Variants in LAMA4 observed in about 807,000 individuals in gnomAD.
The protein encoded by LAMA4 is laminin subunit alpha 4.
LAMA4 carries 127 observed loss-of-function variants against 207.1 expected under a neutral mutation model. The ratio of observed to expected loss-of-function variants is 0.61; its 90% CI spans 0.53 to 0.71. The LOEUF is 0.71. Among genes scored for constraint, LAMA4 ranks in the 30% least tolerant of loss-of-function variants. LAMA4 has a pLI of 0.00. For synonymous variants in LAMA4, 761 were observed against 816.0 expected (o/e 0.93, Z 1.15); for missense variants, 2,093 against 2,246.5 (o/e 0.93, Z 1.38).
intron 13 of LAMA4, among the ~76,000 whole-genome samples, chr6:112,160,278 G>A (rs1483198929): frequency 2.0e-5 from 3 of 151,954 alleles, no homozygotes; most frequent in Non-Finnish European, 4.4e-5. Flanking sequence ...TGTATTTATA[G>A]CTACACCTAC....
At chr6:112,116,061 G>A in intron 35 of LAMA4, 68 bp from the exon 36 acceptor site, 2 of 1,436,632 alleles carry the variant, frequency 1.4e-6, no homozygotes, top group South Asian at 1.2e-5. Context: ...GTGTGATTTT[G>A]TAATTATATA....
intron 18 of LAMA4, among the ~76,000 whole-genome samples, chr6:112,146,276 C>T (rs1414931916): frequency 3.3e-5 from 5 of 150,408 alleles, no homozygotes; most frequent in Admixed American, 6.7e-5. Flanking sequence ...GGCGACAGAG[C>T]GAGACTATGT....
intron 2 of LAMA4, among the ~76,000 whole-genome samples, chr6:112,233,019 C>A (rs1785661856): frequency 6.6e-6 from 1 of 152,152 alleles, no homozygotes; most frequent in South Asian, 2.1e-4. Flanking sequence ...TTAGCTAGAC[C>A]TTCTCCATGA....
In LAMA4 at chr6:112,130,968, C is replaced by T; in HGVS notation, c.3968G>A (p.Arg1323Lys). 1.2e-6 allele frequency: 2 copies of T among 1,612,910 alleles called. No individual in the cohort carries two copies. Among genetic ancestry groups the T allele is most frequent in the Non-Finnish European group, 1.7e-6 (2 of 1,179,102 alleles). The stretch of plus-strand genomic sequence containing the variant: ...AAGAATATGAAGTGAGGAGCTATAC[C>T]TTGTGGGTGAGACAGAGCTAATGAC... ...HFVISSVSPT[R>K]YELIVDKSRV... The change falls in exon 29 of 39, where the codon AGA (arginine) becomes AAA (lysine). Residue 1323 changes from arginine (R) to lysine (K), a missense_variant and splice_region_variant. By Grantham distance (26) the Arg-to-Lys change is conservative. This residue lies in a region of LAMA4 where 1,704 missense variants were observed against 1,788.4 expected (regional missense o/e 0.95). Coordinates refer to ENST00000230538, the MANE Select transcript of LAMA4 (RefSeq NM_001105206.3).
intron 9 of LAMA4, among the ~76,000 whole-genome samples, chr6:112,182,539 G>A (rs965796263): frequency 2.0e-5 from 3 of 152,222 alleles, no homozygotes; most frequent in Non-Finnish European, 4.4e-5. Context: ...AGGTTCAGAT[G>A]CTTTTGATGC....
intron 9 of LAMA4, among the ~76,000 whole-genome samples, chr6:112,183,950 CAAAAAA>C (rs782424211): frequency 1.2e-5 from 1 of 81,734 alleles, no homozygotes; most frequent in Non-Finnish European, 2.4e-5. Context: ...GACTCCATCT[CAAAAAA>C]AAAAAAAAAA....
chr6:112,225,418 G>A (rs1785157674), intron 2 of LAMA4, among the ~76,000 whole-genome samples: 1 of 152,218 alleles, frequency 6.6e-6, no homozygotes, highest in African/African-American at 2.4e-5. Context: ...TTGCATTAAA[G>A]TAATTTTTGG....
intron 6 of LAMA4, among the ~76,000 whole-genome samples, chr6:112,189,704 C>T (rs982306299): frequency 1.4e-4 from 21 of 152,128 alleles, no homozygotes; most frequent in African/African-American, 4.6e-4. Flanking sequence ...GCTCCCACTG[C>T]GCTTGACCCT....
chr6:112,178,074 TA>T, intron 10 of LAMA4, 46 bp downstream of exon 10: 1 of 1,311,672 alleles, frequency 7.6e-7, no homozygotes, highest in South Asian at 1.2e-5. Flanking sequence ...GTTAATAACA[TA>T]AGTGTTTCCT....
At chr6:112,181,137 G>A (rs1782333894) in intron 9 of LAMA4, among the ~76,000 whole-genome samples, 1 of 152,110 alleles carries the variant, frequency 6.6e-6, no homozygotes, top group African/African-American at 2.4e-5. Context: ...CATGACCACA[G>A]TCTCAGTTCA....
At chr6:112,157,007 A>C (rs1780758645) in intron 14 of LAMA4, among the ~76,000 whole-genome samples, 1 of 152,144 alleles carries the variant, frequency 6.6e-6, no homozygotes, top group South Asian at 2.1e-4. Flanking sequence ...ACATGAAATA[A>C]AGGTTTTACT....
At chr6:112,132,719 A>G (rs1219590008) in intron 28 of LAMA4, 34 bp downstream of exon 28, 1 of 1,600,124 alleles carries the variant, frequency 6.2e-7, no homozygotes, top group East Asian at 2.2e-5. Context: ...CAATTATCAC[A>G]AAGAAGTTTC....
At chr6:112,165,649 T>C (rs1480328752) in intron 12 of LAMA4, among the ~76,000 whole-genome samples, 3 of 152,192 alleles carry the variant, frequency 2.0e-5, no homozygotes, top group African/African-American at 7.2e-5. Flanking sequence ...ATGAATTAAT[T>C]CAAAAAGTAT....
chr6:112,195,937 G>GTACA (rs1783388544), intron 5 of LAMA4, among the ~76,000 whole-genome samples: 2 of 103,466 alleles, frequency 1.9e-5, no homozygotes, highest in Non-Finnish European at 3.8e-5. Flanking sequence ...AATGAACTAA[G>GTACA]TACACACACA....
At chr6:112,125,358 C>T (rs1433567298) in intron 31 of LAMA4, among the ~76,000 whole-genome samples, 7 of 152,112 alleles carry the variant, frequency 4.6e-5, no homozygotes, top group African/African-American at 1.4e-4. Flanking sequence ...AGCCGAGCTT[C>T]GTGCACGTGA....
chr6:112,155,354 C>T, intron 15 of LAMA4: 1 of 601,314 alleles, frequency 1.7e-6, no homozygotes, highest in Non-Finnish European at 2.9e-6. Context: ...GTCAAAGGAA[C>T]TGGCATTTGC....
intron 5 of LAMA4, among the ~76,000 whole-genome samples, chr6:112,195,361 G>A (rs1783352424): frequency 1.3e-5 from 2 of 152,186 alleles, no homozygotes; most frequent in Admixed American, 1.3e-4. Context: ...AAGAATTCAG[G>A]AGTTGAGCAA....
chr6:112,166,045 G>GAA (rs2114834636), intron 12 of LAMA4, among the ~76,000 whole-genome samples: 1 of 152,276 alleles, frequency 6.6e-6, no homozygotes, highest in South Asian at 2.1e-4. Context: ...AAAATGAGTT[G>GAA]AAGTTACCTT....
chr6:112,216,389 C>A lies in LAMA4; in HGVS notation c.276G>T (p.Leu92Phe). The A allele has an allele frequency of 5.6e-6, 9 of 1,613,566 alleles. No homozygotes were observed. Among genetic ancestry groups the A allele is most frequent in the Non-Finnish European group, 7.6e-6 (9 of 1,179,474 alleles). ...CDCNGNSNEC[L>F]DGSGYCVHCQ... ...TTACCACACAGTATCCTGAGCCGTC[C>A]AAACACTCGTTGGAATTGCCATTAC... The change falls in exon 3 of 39, where the codon TTG becomes TTT. Residue 92 changes from leucine to phenylalanine, a missense_variant. Physicochemically the swap from Leu to Phe is conservative, Grantham distance 22. Transcript: ENST00000230538.
Sources: gnomAD v4.1 joint callset for allele counts (sites outside exome capture counted in the v4.1 genomes callset) on GRCh38, gnomAD v4.1.1 for gene constraint, gnomAD v4.1.1 regional missense constraint, MANE v1.5 for transcripts, NCBI Gene and HGNC (gene_info 2026-07-23, HGNC 2026-07-21) for gene names.